Variants in DPYD observed in about 807,000 individuals in gnomAD.
DPYD encodes the protein dihydropyrimidine dehydrogenase [NADP(+)].
Under a neutral mutation model 116.2 loss-of-function variants are expected in DPYD, and 109 were observed. That is an observed-to-expected ratio of 0.94 (90% CI 0.80 to 1.10). The LOEUF (loss-of-function observed/expected upper bound fraction) is 1.10, where lower values mean the gene tolerates loss of function less well. Among genes scored for constraint, DPYD ranks in the 50% least tolerant of loss-of-function variants. The pLI, the probability that DPYD is intolerant of heterozygous loss-of-function variation, is 0.00. For missense variants in DPYD, 1,302 were observed against 1,254.5 expected (o/e 1.04, Z -0.57); for synonymous variants, 440 against 432.0 (o/e 1.02, Z -0.23).
At chr1:97,432,924 T>C (rs1337466987) in intron 14 of DPYD, among the ~76,000 whole-genome samples, 3 of 152,174 alleles carry the variant, frequency 2.0e-5, no homozygotes, top group Non-Finnish European at 4.4e-5. Flanking sequence ...AGAATCTCTT[T>C]ACTTATTGTT....
At chr1:97,867,014 T>C (rs1411336964) in intron 2 of DPYD, among the ~76,000 whole-genome samples, 2 of 151,742 alleles carry the variant, frequency 1.3e-5, no homozygotes, top group African/African-American at 4.8e-5. Context: ...GAAAACATAA[T>C]CTATTTTAGG....
At chr1:97,115,761 T>C (rs1392035988) in intron 20 of DPYD, among the ~76,000 whole-genome samples, 1 of 152,118 alleles carries the variant, frequency 6.6e-6, no homozygotes, top group Non-Finnish European at 1.5e-5. Flanking sequence ...CAAATCGTAA[T>C]TTAGAATGGT....
intron 5 of DPYD, among the ~76,000 whole-genome samples, chr1:97,713,104 T>C (rs146374523): frequency 9.2e-5 from 14 of 152,224 alleles, no homozygotes; most frequent in Admixed American, 9.2e-4. Flanking sequence ...TATTTGAAGA[T>C]AAATGGGTGG....
intron 19 of DPYD, among the ~76,000 whole-genome samples, chr1:97,222,205 C>T (rs1660823823): frequency 6.6e-6 from 1 of 152,096 alleles, no homozygotes; most frequent in Non-Finnish European, 1.5e-5. Context: ...AGTCACATCT[C>T]TGCATACAAT....
At chr1:97,136,463 C>A (rs77087731) in intron 20 of DPYD, among the ~76,000 whole-genome samples, 61 of 152,268 alleles carry the variant, frequency 4.0e-4, no homozygotes, top group African/African-American at 1.4e-3. Flanking sequence ...CTCGCGAATC[C>A]AGTCATGTAT....
At chr1:97,778,822 C>T (rs925757741) in intron 3 of DPYD, among the ~76,000 whole-genome samples, 3 of 152,044 alleles carry the variant, frequency 2.0e-5, no homozygotes, top group African/African-American at 7.2e-5. Context: ...GAAATAGCTG[C>T]TCAATTTTCC....
chr1:97,624,035 A>G (rs1489355417), intron 8 of DPYD, among the ~76,000 whole-genome samples: 1 of 152,072 alleles, frequency 6.6e-6, no homozygotes, highest in African/African-American at 2.4e-5. Context: ...AGAAGAAAGG[A>G]TAGGAGAAAA....
At chr1:97,809,818 T>C (rs1668260820) in intron 3 of DPYD, among the ~76,000 whole-genome samples, 1 of 152,098 alleles carries the variant, frequency 6.6e-6, no homozygotes, top group Admixed American at 6.6e-5. Context: ...ATGTAGGTTA[T>C]TGAATTAACA....
chr1:97,828,291 A>C, intron 2 of DPYD, 95 bp from the exon 3 acceptor site: 1 of 1,137,880 alleles, frequency 8.8e-7, no homozygotes, highest in Non-Finnish European at 1.3e-6. Flanking sequence ...TATATTGATC[A>C]TGGACTCATG....
At position 97,208,642 on chromosome 1, in the gene DPYD, C is replaced by A. The variant is rs556393341; in HGVS notation, c.2443-15394G>T. ...AAAAACTTTCTCTATTACTCAAAAA[C>A]TACCTACTAATTAATTTATTCTTTC... On this transcript the variant is annotated intron_variant, in intron 19 of 22. Coordinates refer to ENST00000370192, the MANE Select transcript of DPYD (RefSeq NM_000110.4). Among the ~76,000 whole-genome samples, 9 of 152,192 alleles carry A rather than the reference C, an allele frequency of 5.9e-5. 1 individual carries two copies. In the South Asian group the frequency reaches 1.2e-3, roughly 21 times the overall value.
chr1:97,156,574 C>T (rs1484803038), intron 20 of DPYD, among the ~76,000 whole-genome samples: 1 of 152,176 alleles, frequency 6.6e-6, no homozygotes, highest in Non-Finnish European at 1.5e-5. Context: ...GAGATACCAT[C>T]CCACACCAGT....
chr1:97,812,475 T>C (rs1668386941), intron 3 of DPYD, among the ~76,000 whole-genome samples: 1 of 152,122 alleles, frequency 6.6e-6, no homozygotes, highest in Admixed American at 6.5e-5. Context: ...TTTATGTATG[T>C]CTTCAAACAC....
At chr1:97,267,634 A>G (rs999445708) in intron 18 of DPYD, among the ~76,000 whole-genome samples, 3 of 152,064 alleles carry the variant, frequency 2.0e-5, no homozygotes, top group African/African-American at 7.2e-5. Context: ...GTGGAGCTTT[A>G]TGGCTTATCA....
At chr1:97,708,110 A>G (rs1035501807) in intron 5 of DPYD, among the ~76,000 whole-genome samples, 5 of 152,056 alleles carry the variant, frequency 3.3e-5, no homozygotes, top group Admixed American at 3.3e-4. Context: ...AGCCAGGACT[A>G]CAGGTACATG....
At chr1:97,725,065 C>T (rs905443102) in intron 4 of DPYD, among the ~76,000 whole-genome samples, 13 of 150,532 alleles carry the variant, frequency 8.6e-5, no homozygotes, top group Non-Finnish European at 1.6e-4. Context: ...CCTAACTAAT[C>T]CACTAAAATA....
At chr1:97,383,725 G>A (rs6690620) in intron 14 of DPYD, among the ~76,000 whole-genome samples, 18,014 of 152,132 alleles carry the variant, frequency 0.12, 1,394 homozygotes, top group South Asian at 0.28. Flanking sequence ...CTGAGCAAGA[G>A]TCTGTGCTTT....
chr1:97,878,500 C>T (rs1295278613), intron 2 of DPYD, among the ~76,000 whole-genome samples: 4 of 151,932 alleles, frequency 2.6e-5, no homozygotes, highest in African/African-American at 9.7e-5. Flanking sequence ...TCAAATAATC[C>T]AAAAGTGAGT....
chr1:97,610,469 T>C (rs1303894956), intron 8 of DPYD, among the ~76,000 whole-genome samples: 1 of 152,034 alleles, frequency 6.6e-6, no homozygotes, highest in Non-Finnish European at 1.5e-5. Context: ...GATTTGCATG[T>C]TTGCAGTGGG....
Position 97,452,447 on chromosome 1 carries a change from G to T in DPYD, c.1741-2224C>A, listed in dbSNP as rs375881250. Among the ~76,000 whole-genome samples, 23 of 152,242 alleles carry T rather than the reference G, an allele frequency of 1.5e-4. 1 individual carries two copies. The highest frequency in any genetic ancestry group is 1.4e-3 in the East Asian group (7 of 5,182). On this transcript the variant is annotated intron_variant, in intron 13 of 22. Coordinates refer to ENST00000370192, the MANE Select transcript of DPYD (RefSeq NM_000110.4). ...ACTAAAACCATAGGCACTAGAATAA[G>T]TCTTGTCCTGAGGTATGAGAACCAA... is the stretch of plus-strand genomic sequence containing the variant.
Sources: gnomAD v4.1 joint callset for allele counts (sites outside exome capture counted in the v4.1 genomes callset) on GRCh38, gnomAD v4.1.1 for gene constraint, MANE v1.5 for transcripts, NCBI Gene and HGNC (gene_info 2026-07-23, HGNC 2026-07-21) for gene names.